EPHA5: variants seen among roughly 807,000 people sequenced by gnomAD.
EPHA5 encodes EPH receptor A5.
In EPHA5, 60 loss-of-function variants were observed where a neutral mutation model predicts 105.0. The ratio of observed to expected loss-of-function variants is 0.57; its 90% CI spans 0.46 to 0.71. The LOEUF is 0.71. Ranked by LOEUF, EPHA5 falls within the 30% of genes least tolerant of loss-of-function variation. The pLI is 0.00. For synonymous variants in EPHA5, 513 were observed against 449.1 expected, an observed-to-expected ratio of 1.14 and a Z score of -1.80; for missense variants, 1,218 against 1,274.7, an observed-to-expected ratio of 0.96 and a Z score of 0.68.
At chr4:65,617,988 T>C (rs796325047) in intron 2 of EPHA5, among the ~76,000 whole-genome samples, 6 of 152,136 alleles carry the variant, frequency 3.9e-5, no homozygotes, top group African/African-American at 1.4e-4. Context: ...TCATGTGAGA[T>C]TGAGGCTTGA....
chr4:65,549,637 A>T (rs1205590857), intron 3 of EPHA5, among the ~76,000 whole-genome samples: 1 of 152,148 alleles, frequency 6.6e-6, no homozygotes, highest in Non-Finnish European at 1.5e-5. Flanking sequence ...CAACCCTTTA[A>T]AAACTGATTA....
chr4:65,585,418 G>C (rs1381631854), intron 3 of EPHA5, among the ~76,000 whole-genome samples: 4 of 151,438 alleles, frequency 2.6e-5, no homozygotes, highest in African/African-American at 9.7e-5. Context: ...GAAACTGAGA[G>C]GTTTTCAGGA....
chr4:65,591,179 A>G (rs1206137445), intron 3 of EPHA5, among the ~76,000 whole-genome samples: 1 of 152,112 alleles, frequency 6.6e-6, no homozygotes, highest in Non-Finnish European at 1.5e-5. Context: ...TCCGTTTTCC[A>G]CATGGAAGGA....
chr4:65,660,882 C>T (rs1460731398), intron 1 of EPHA5, among the ~76,000 whole-genome samples: 1 of 152,038 alleles, frequency 6.6e-6, no homozygotes, highest in African/African-American at 2.4e-5. Context: ...TTTTCTACTC[C>T]GTTTCTTAAT....
chr4:65,437,027 G>T (rs139802618), intron 5 of EPHA5, among the ~76,000 whole-genome samples: 1 of 152,060 alleles, frequency 6.6e-6, no homozygotes, highest in African/African-American at 2.4e-5. Context: ...TTATAAGTAT[G>T]CCTAAAGAGA....
At chr4:65,380,970 G>T (rs909203258) in intron 8 of EPHA5, among the ~76,000 whole-genome samples, 1 of 151,586 alleles carries the variant, frequency 6.6e-6, no homozygotes, top group African/African-American at 2.4e-5. Flanking sequence ...GCATAGCTTT[G>T]GATAATCTAG....
chr4:65,522,233 G>T (rs912094534), intron 3 of EPHA5, among the ~76,000 whole-genome samples: 1 of 150,910 alleles, frequency 6.6e-6, no homozygotes, highest in African/African-American at 2.5e-5. Context: ...GGGATTTCCT[G>T]CTTCTTCCCT....
intron 3 of EPHA5, among the ~76,000 whole-genome samples, chr4:65,576,000 GAGAAAGAAAGAAAGAA>G (rs1553943367): frequency 6.7e-5 from 2 of 29,730 alleles, no homozygotes; most frequent in East Asian, 9.9e-4. Context: ...GAGAGAGAGA[GAGAAAGAAAGAAAGAA>G]AGAAAGAAAG....
chr4:65,546,953 C>A (rs1211188863), intron 3 of EPHA5, among the ~76,000 whole-genome samples: 5 of 152,002 alleles, frequency 3.3e-5, no homozygotes, highest in Non-Finnish European at 5.9e-5. Context: ...AAAATTTCAA[C>A]CTCTTCCCTA....
intron 3 of EPHA5, among the ~76,000 whole-genome samples, chr4:65,545,438 A>G (rs2149329835): frequency 6.6e-6 from 1 of 152,082 alleles, no homozygotes; most frequent in Non-Finnish European, 1.5e-5. Context: ...AAGCAGAAAA[A>G]TTAAAGAAAC....
chr4:65,440,929 A>G (rs1020543143), intron 5 of EPHA5, among the ~76,000 whole-genome samples: 8 of 152,148 alleles, frequency 5.3e-5, no homozygotes, highest in African/African-American at 1.9e-4. Flanking sequence ...AGAAGTAAGT[A>G]AGGCTAAGAT....
intron 1 of EPHA5, among the ~76,000 whole-genome samples, chr4:65,656,551 G>A (rs1170177463): frequency 6.8e-6 from 1 of 147,200 alleles, no homozygotes; most frequent in Admixed American, 6.8e-5. Flanking sequence ...TTTATATGTA[G>A]TATACTACAT....
At chr4:65,468,552 ATATATAT>A (rs1344810739) in intron 5 of EPHA5, among the ~76,000 whole-genome samples, 6 of 74,486 alleles carry the variant, frequency 8.1e-5, no homozygotes, top group Non-Finnish European at 1.5e-4. Flanking sequence ...TATATATAAT[ATATATAT>A]TATATATTAT....
At chr4:65,495,590 GTGTT>G in intron 3 of EPHA5, 47 bp from the exon 4 acceptor site, 1 of 1,511,176 alleles carries the variant, frequency 6.6e-7, no homozygotes, top group Non-Finnish European at 9.0e-7. Flanking sequence ...AACAGATGCA[GTGTT>G]TGTTTTGTGA....
At chr4:65,534,883 A>G (rs770597168) in intron 3 of EPHA5, among the ~76,000 whole-genome samples, 1 of 152,212 alleles carries the variant, frequency 6.6e-6, no homozygotes, top group Non-Finnish European at 1.5e-5. Flanking sequence ...GCAGATAAAC[A>G]TTTTTATTTT....
chr4:65,334,124 C>T (rs552669836), intron 15 of EPHA5, among the ~76,000 whole-genome samples: 23 of 151,998 alleles, frequency 1.5e-4, no homozygotes, highest in African/African-American at 5.3e-4. Context: ...ACCAAACACA[C>T]AATTGGTTTT....
chr4:65,439,205 T>C (rs1438258393), intron 5 of EPHA5, among the ~76,000 whole-genome samples: 1 of 152,170 alleles, frequency 6.6e-6, no homozygotes, highest in Non-Finnish European at 1.5e-5. Flanking sequence ...AGTTATATCC[T>C]AGAAGAGGCG....
intron 1 of EPHA5, among the ~76,000 whole-genome samples, chr4:65,659,654 C>A (rs1749391296): frequency 6.6e-6 from 1 of 152,014 alleles, no homozygotes; most frequent in Admixed American, 6.6e-5. Flanking sequence ...CAATGTCCCC[C>A]ACCCAGTAAG....
intron 6 of EPHA5, among the ~76,000 whole-genome samples, chr4:65,419,860 G>A (rs1453308387): frequency 6.6e-6 from 1 of 152,244 alleles, no homozygotes; most frequent in Non-Finnish European, 1.5e-5. Flanking sequence ...AGCTATTACG[G>A]TAAAATGTTT....
Sources: gnomAD v4.1 joint callset for allele counts (sites outside exome capture counted in the v4.1 genomes callset) on GRCh38, gnomAD v4.1.1 for gene constraint, MANE v1.5 for transcripts, NCBI Gene and HGNC (gene_info 2026-07-23, HGNC 2026-07-21) for gene names.